Variants in SNTG1 observed in about 807,000 individuals in gnomAD.
SNTG1 encodes syntrophin gamma 1, also known as gamma-1-syntrophin.
In SNTG1, 39 loss-of-function variants were observed where a neutral mutation model predicts 74.7. The observed-to-expected ratio is 0.52, with a 90% CI of 0.40 to 0.68. The LOEUF (loss-of-function observed/expected upper bound fraction) is 0.68, where lower values mean the gene tolerates loss of function less well. Among genes scored for constraint, SNTG1 ranks in the 30% least tolerant of loss-of-function variants. SNTG1 has a pLI of 0.00. For missense variants in SNTG1, 685 were observed against 609.5 expected (o/e 1.12, Z -1.30); for synonymous variants, 254 against 217.1 (o/e 1.17, Z -1.49).
chr8:50,206,984 AT>A (rs767869566), intron 2 of SNTG1, among the ~76,000 whole-genome samples: 1 of 151,890 alleles, frequency 6.6e-6, no homozygotes, highest in Non-Finnish European at 1.5e-5. Context: ...TTTATTGAGG[AT>A]TTTTGCATTA....
chr8:50,144,714 G>A (rs1364409030), intron 1 of SNTG1, among the ~76,000 whole-genome samples: 2 of 152,192 alleles, frequency 1.3e-5, no homozygotes, highest in Admixed American at 1.3e-4. Flanking sequence ...GACTGAGTGG[G>A]CAGGAGGAGC....
chr8:50,470,866 T>C lies in SNTG1; in HGVS notation c.363+20137T>C, dbSNP rs181317133. On this transcript the variant is annotated intron_variant, in intron 8 of 18. Transcript: ENST00000642720. ...TGCAGGGGGCTCTGGTGGCCGGCGT[T>C]TATTCCCTTATTTGGCCCCACCCAC... is the stretch of plus-strand genomic sequence containing the variant. 3.5e-3 allele frequency among the ~76,000 whole-genome samples: 535 copies of C among 152,234 alleles called. 3 individuals carry two copies. The highest frequency in any genetic ancestry group is 7.1e-3 in the South Asian group (34 of 4,820).
At chr8:50,437,506 T>C (rs2093316467) in intron 4 of SNTG1, among the ~76,000 whole-genome samples, 1 of 152,166 alleles carries the variant, frequency 6.6e-6, no homozygotes, top group Admixed American at 6.5e-5. Context: ...TAATATTATC[T>C]GTTCCACACA....
intron 2 of SNTG1, among the ~76,000 whole-genome samples, chr8:50,206,887 G>C (rs2084268070): frequency 6.6e-6 from 1 of 152,086 alleles, no homozygotes; most frequent in Admixed American, 6.6e-5. Flanking sequence ...TTCATATGTT[G>C]AACCAGACTT....
chr8:50,055,399 G>T (rs1326300616), intron 1 of SNTG1, among the ~76,000 whole-genome samples: 3 of 152,072 alleles, frequency 2.0e-5, no homozygotes, highest in Non-Finnish European at 4.4e-5. Flanking sequence ...GAAGAAATAT[G>T]ATTTGAAAGG....
At chr8:50,123,983 C>A (rs1197572461) in intron 1 of SNTG1, among the ~76,000 whole-genome samples, 1 of 142,376 alleles carries the variant, frequency 7.0e-6, no homozygotes. Flanking sequence ...ATTAGAACAA[C>A]AACTAAAACA....
intron 2 of SNTG1, among the ~76,000 whole-genome samples, chr8:50,329,909 T>C (rs1222176427): frequency 6.6e-6 from 1 of 152,156 alleles, no homozygotes; most frequent in Non-Finnish European, 1.5e-5. Flanking sequence ...ATCATCTCTT[T>C]CCAGTAAAAT....
chr8:50,246,507 T>C (rs1181437532), intron 2 of SNTG1, among the ~76,000 whole-genome samples: 1 of 4,424 alleles, frequency 2.3e-4, no homozygotes, highest in African/African-American at 2.3e-4. Context: ...TGTCTTTCTT[T>C]TTTTTTTTTT....
At chr8:49,927,315 C>G (rs1240772751) in intron 1 of SNTG1, among the ~76,000 whole-genome samples, 1 of 152,076 alleles carries the variant, frequency 6.6e-6, no homozygotes, top group Non-Finnish European at 1.5e-5. Context: ...TTTATAGCAA[C>G]TTTATTCATA....
intron 1 of SNTG1, among the ~76,000 whole-genome samples, chr8:49,944,689 T>C (rs533944632): frequency 1.1e-4 from 16 of 151,164 alleles, no homozygotes; most frequent in African/African-American, 3.4e-4. Context: ...GTAACTAACC[T>C]GCACATTGTG....
chr8:50,427,307 A>G (rs754304946), intron 4 of SNTG1, among the ~76,000 whole-genome samples: 45 of 152,266 alleles, frequency 3.0e-4, no homozygotes, highest in Non-Finnish European at 5.7e-4. Flanking sequence ...AAATGTAAAC[A>G]TAATGATTAT....
chr8:49,945,231 G>C (rs1809068008), intron 1 of SNTG1, among the ~76,000 whole-genome samples: 1 of 152,106 alleles, frequency 6.6e-6, no homozygotes, highest in Non-Finnish European at 1.5e-5. Context: ...TGGAAGTCTG[G>C]TAGGTTAACT....
At chr8:50,061,864 T>C (rs535254707) in intron 1 of SNTG1, among the ~76,000 whole-genome samples, 1 of 152,298 alleles carries the variant, frequency 6.6e-6, no homozygotes, top group African/African-American at 2.4e-5. Flanking sequence ...TGAGATTTAT[T>C]TCACGGCTGT....
chr8:50,785,667 T>C (rs539312111), intron 18 of SNTG1, among the ~76,000 whole-genome samples: 17 of 152,184 alleles, frequency 1.1e-4, no homozygotes, highest in African/African-American at 3.6e-4. Flanking sequence ...CTCTACTTAT[T>C]TGAGATTCGA....
At chr8:50,609,701 C>T (rs1162413776) in intron 13 of SNTG1, among the ~76,000 whole-genome samples, 2 of 152,076 alleles carry the variant, frequency 1.3e-5, no homozygotes, top group African/African-American at 2.4e-5. Flanking sequence ...GGTCTCTAAA[C>T]CTGTCCATTT....
chr8:50,630,749 A>C (rs1030702644), intron 13 of SNTG1, among the ~76,000 whole-genome samples: 9 of 152,224 alleles, frequency 5.9e-5, no homozygotes, highest in African/African-American at 2.2e-4. Context: ...AGACAGATGA[A>C]GAACAGTGAA....
At chr8:50,642,822 A>G (rs1050024059) in intron 13 of SNTG1, among the ~76,000 whole-genome samples, 1 of 151,890 alleles carries the variant, frequency 6.6e-6, no homozygotes, top group African/African-American at 2.4e-5. Context: ...TTTTACTTTT[A>G]TTTTTATATT....
At chr8:50,300,773 A>G (rs961234484) in intron 2 of SNTG1, among the ~76,000 whole-genome samples, 1 of 152,140 alleles carries the variant, frequency 6.6e-6, no homozygotes, top group African/African-American at 2.4e-5. Flanking sequence ...CTAGCAACAA[A>G]TTTTATCTTT....
At chr8:50,516,871 TC>T (rs2094137950) in intron 9 of SNTG1, among the ~76,000 whole-genome samples, 2 of 152,236 alleles carry the variant, frequency 1.3e-5, no homozygotes, top group South Asian at 4.2e-4. Flanking sequence ...AAATCACTCT[TC>T]AAGATATTAT....
Sources: allele counts gnomAD v4.1 joint callset (sites outside exome capture counted in the v4.1 genomes callset), GRCh38; gene constraint gnomAD v4.1.1; transcripts MANE v1.5; gene names NCBI Gene and HGNC (gene_info 2026-07-23, HGNC 2026-07-21).